Variants in MAPRE2 observed in about 807,000 individuals in gnomAD.
MAPRE2 encodes microtubule associated protein RP/EB family member 2.
A neutral mutation model predicts 43.2 loss-of-function variants in MAPRE2; 13 were observed. That is an observed-to-expected ratio of 0.30 (90% CI 0.20 to 0.48). The LOEUF is 0.48. Among genes scored for constraint, MAPRE2 ranks in the 20% least tolerant of loss-of-function variants. The pLI is 0.99. For synonymous variants in MAPRE2, 135 were observed against 148.8 expected (o/e 0.91, Z 0.68); for missense variants, 161 against 400.2 (o/e 0.40, Z 5.10).
At chr18:35,139,019 A>C (rs1023879317) in intron 6 of MAPRE2, among the ~76,000 whole-genome samples, 1 of 152,188 alleles carries the variant, frequency 6.6e-6, no homozygotes, top group Non-Finnish European at 1.5e-5. Flanking sequence ...CCCTGACCTC[A>C]GTAACCTCAG....
At chr18:35,136,245 C>T (rs1418116123) in intron 6 of MAPRE2, among the ~76,000 whole-genome samples, 1 of 152,154 alleles carries the variant, frequency 6.6e-6, no homozygotes, top group Non-Finnish European at 1.5e-5. Flanking sequence ...CATTGGTTAC[C>T]TGCTCCCTGT....
intron 1 of MAPRE2, among the ~76,000 whole-genome samples, chr18:35,058,267 A>C (rs866683511): frequency 1.5e-4 from 23 of 152,182 alleles, no homozygotes; most frequent in Middle Eastern, 3.2e-3. Flanking sequence ...CCTGTTAATA[A>C]GCTTAATTTT....
rs564615461 is a variant in MAPRE2, at chr18:35,130,854, G to A, written c.751-1178G>A. On this transcript the variant is annotated intron_variant, in intron 5 of 6. Transcript: ENST00000300249. ...CAGATCTAGTCACAACCCCGTGAGG[G>A]TTTCTTTAGCTCTGGGTGTCCGAGT... Among the ~76,000 whole-genome samples the A allele has an allele frequency of 2.1e-3, 320 of 152,268 alleles. 1 individual carries two copies. The Middle Eastern group carries it at 0.024, about 11-fold the overall frequency.
intron 2 of MAPRE2, among the ~76,000 whole-genome samples, chr18:35,079,496 C>G (rs74444240): frequency 1.8e-4 from 28 of 152,140 alleles, no homozygotes; most frequent in African/African-American, 6.8e-4. Context: ...GAGTAGACAC[C>G]GATTTCCCAT....
chr18:34,985,311 TTATATTATA>T (rs2097019382), intron 1 of MAPRE2, among the ~76,000 whole-genome samples: 1 of 39,556 alleles, frequency 2.5e-5, no homozygotes, highest in African/African-American at 1.2e-4. Context: ...ATTGTATATA[TTATATTATA>T]TATATAATAT....
chr18:35,073,965 A>G (rs1316077348), intron 2 of MAPRE2, among the ~76,000 whole-genome samples: 1 of 152,222 alleles, frequency 6.6e-6, no homozygotes, highest in African/African-American at 2.4e-5. Context: ...TAACCTCATG[A>G]AAATTTTCTT....
chr18:35,038,782 A>C (rs1369126225), upstream of MAPRE2, among the ~76,000 whole-genome samples: 2 of 152,216 alleles, frequency 1.3e-5, no homozygotes, highest in Non-Finnish European at 2.9e-5. Flanking sequence ...ACATCTGTTT[A>C]ATATTTTCAA....
At chr18:35,114,173 CAT>C (rs1337091361) in intron 4 of MAPRE2, among the ~76,000 whole-genome samples, 1 of 152,150 alleles carries the variant, frequency 6.6e-6, no homozygotes, top group African/African-American at 2.4e-5. Context: ...TTGCGTCTCT[CAT>C]ATGTCATGGA....
At chr18:35,123,956 C>G (rs1909796479) in intron 4 of MAPRE2, among the ~76,000 whole-genome samples, 1 of 152,102 alleles carries the variant, frequency 6.6e-6, no homozygotes, top group Admixed American at 6.5e-5. Context: ...GTTCAGGGCA[C>G]TGTGGCCTCC....
At chr18:35,134,433 ATTAC>A (rs907985002) in intron 6 of MAPRE2, among the ~76,000 whole-genome samples, 75 of 152,354 alleles carry the variant, frequency 4.9e-4, no homozygotes, top group African/African-American at 1.7e-3. Context: ...GAGGTGAGTA[ATTAC>A]TTATCTACAT....
intron 1 of MAPRE2, among the ~76,000 whole-genome samples, chr18:34,982,490 A>G (rs79310171): frequency 1.1e-4 from 17 of 152,284 alleles, no homozygotes; most frequent in South Asian, 6.2e-4. Context: ...AACTCTACAT[A>G]ATTCACCCGC....
At chr18:35,067,662 G>A (rs1271519132) in intron 1 of MAPRE2, among the ~76,000 whole-genome samples, 1 of 152,066 alleles carries the variant, frequency 6.6e-6, no homozygotes, top group Non-Finnish European at 1.5e-5. Context: ...TCCTCCATCA[G>A]TACATTGCCC....
At chr18:35,054,245 G>A (rs1906102398) in intron 1 of MAPRE2, among the ~76,000 whole-genome samples, 1 of 152,208 alleles carries the variant, frequency 6.6e-6, no homozygotes, top group Non-Finnish European at 1.5e-5. Context: ...AGGATCGACT[G>A]AGGGACCTCG....
intron 2 of MAPRE2, among the ~76,000 whole-genome samples, chr18:35,007,707 C>T (rs946446583): frequency 2.6e-5 from 4 of 152,196 alleles, no homozygotes; most frequent in East Asian, 1.9e-4. Context: ...AGTCCCTCTC[C>T]CTTCTCTCTA....
At chr18:35,087,412 G>C (rs980591509) in intron 2 of MAPRE2, among the ~76,000 whole-genome samples, 2 of 152,138 alleles carry the variant, frequency 1.3e-5, no homozygotes, top group Non-Finnish European at 1.5e-5. Flanking sequence ...ACTTGAATGT[G>C]TTACCCTATG....
At chr18:35,129,697 C>T (rs1871219653) in intron 5 of MAPRE2, among the ~76,000 whole-genome samples, 1 of 152,158 alleles carries the variant, frequency 6.6e-6, no homozygotes, top group African/African-American at 2.4e-5. Context: ...TGTCGATTAG[C>T]CCAGGCAGAG....
At chr18:35,015,948 GCC>G (rs952392672) in intron 2 of MAPRE2, among the ~76,000 whole-genome samples, 1 of 151,620 alleles carries the variant, frequency 6.6e-6, no homozygotes, top group African/African-American at 2.4e-5. Flanking sequence ...TTCAACCCTT[GCC>G]CCCTTCCTTC....
chr18:35,138,429 C>T (rs982214395), intron 6 of MAPRE2, among the ~76,000 whole-genome samples: 1 of 152,044 alleles, frequency 6.6e-6, no homozygotes, highest in Admixed American at 6.5e-5. Context: ...AGGGGCCTGT[C>T]GGCACGGTAA....
chr18:35,068,065 A>G (rs545537726), intron 1 of MAPRE2, among the ~76,000 whole-genome samples: 1 of 152,250 alleles, frequency 6.6e-6, no homozygotes, highest in Admixed American at 6.5e-5. Flanking sequence ...ATAGATATTT[A>G]TTTTTACATT....
Sources: gnomAD v4.1 joint callset for allele counts (sites outside exome capture counted in the v4.1 genomes callset) on GRCh38, gnomAD v4.1.1 for gene constraint, MANE v1.5 for transcripts, NCBI Gene and HGNC (gene_info 2026-07-23, HGNC 2026-07-21) for gene names.